ART3: variants seen among roughly 807,000 people sequenced by gnomAD.
The protein encoded by ART3 is ecto-ADP-ribosyltransferase 3.
Under a neutral mutation model 48.5 loss-of-function variants are expected in ART3, and 49 were observed. The observed-to-expected ratio is 1.01, with a 90% CI of 0.80 to 1.28. The LOEUF (loss-of-function observed/expected upper bound fraction) is 1.28, where lower values mean the gene tolerates loss of function less well. Ranked by LOEUF, ART3 falls within the 50% of genes most tolerant of loss-of-function variation. ART3 has a pLI of 0.00. For synonymous variants in ART3, 145 were observed against 157.2 expected, an observed-to-expected ratio of 0.92 and a Z score of 0.58; for missense variants, 438 against 454.3, an observed-to-expected ratio of 0.96 and a Z score of 0.33.
intron 1 of ART3, chr4:76,022,517 A>G (rs1034650628): frequency 6.5e-6 from 10 of 1,537,130 alleles, no homozygotes; most frequent in Middle Eastern, 1.7e-4. Context: ...AACAGATGGC[A>G]TACGCAGTTC....
At chr4:76,074,989 ATTTTAGTAT>A (rs530062729) in intron 1 of ART3, among the ~76,000 whole-genome samples, 170 bp downstream of exon 1, 1 of 152,330 alleles carries the variant, frequency 6.6e-6, no homozygotes, top group East Asian at 1.9e-4. Flanking sequence ...TTGGTACTAT[ATTTTAGTAT>A]TTTTAGTAAA....
At chr4:76,070,980 C>T (rs79740480), upstream of ART3, among the ~76,000 whole-genome samples, 5,577 of 151,808 alleles carry the variant, frequency 0.037, 140 homozygotes, top group Middle Eastern at 0.12. Flanking sequence ...ATCATTCTAC[C>T]CTCTCTTTGC....
intron 1 of ART3, among the ~76,000 whole-genome samples, chr4:76,046,743 AG>A (rs1735541271): frequency 6.6e-6 from 1 of 151,946 alleles, no homozygotes; most frequent in African/African-American, 2.4e-5. Flanking sequence ...CTCCTTAATA[AG>A]GGTGTGGGAC....
At chr4:76,015,970 G>A (rs1347389525) in intron 1 of ART3, among the ~76,000 whole-genome samples, 1 of 152,078 alleles carries the variant, frequency 6.6e-6, no homozygotes, top group Non-Finnish European at 1.5e-5. Context: ...ATTTTATTGA[G>A]GATTTTTGCA....
At chr4:76,089,354 T>C (rs1724309629) in intron 3 of ART3, among the ~76,000 whole-genome samples, 1 of 151,998 alleles carries the variant, frequency 6.6e-6, no homozygotes, top group Non-Finnish European at 1.5e-5. Context: ...TGGAAGGAGG[T>C]GATTGGATCA....
intron 1 of ART3, among the ~76,000 whole-genome samples, chr4:76,042,391 T>C (rs985255452): frequency 3.3e-5 from 5 of 152,202 alleles, no homozygotes; most frequent in East Asian, 3.8e-4. Context: ...TATAAATAAG[T>C]ATGACTTAAA....
At position 76,085,070 on chromosome 4, in the gene ART3, G is replaced by C. The variant is rs115154595; in HGVS notation, c.781+2535G>C. Among the ~76,000 whole-genome samples the C allele has an allele frequency of 1.9e-3, 285 of 152,316 alleles. 1 individual carries two copies. The highest frequency in any genetic ancestry group is 6.5e-3 in the African/African-American group (270 of 41,578). On this transcript the variant is annotated intron_variant, in intron 3 of 11. Coordinates refer to ENST00000355810, the MANE Select transcript of ART3 (RefSeq NM_001130016.3). ...AAGAACAGCCCTGGACTCCTGTGAA[G>C]ACTTGCATTAAAGGAACACATCTGA...
In ART3 at chr4:76,042,491, T is replaced by C. The variant is rs185623070; in HGVS notation, c.-10+31171T>C. Among the ~76,000 whole-genome samples, 7 of 152,286 alleles carry C rather than the reference T, an allele frequency of 4.6e-5. No homozygotes were observed. In the East Asian group the frequency reaches 5.8e-4, roughly 13 times the overall value. ...TAATAGACACCTGAAATAATATAGATAGACTGAACAGATTAATGTAGAATC... is the reference window on the plus strand; with the variant it reads ...TAATAGACACCTGAAATAATATAGACAGACTGAACAGATTAATGTAGAATC... On this transcript the variant is annotated intron_variant, in intron 1 of 9. Transcript: ENST00000341029.
chr4:76,011,667 T>G (rs903627886), intron 1 of ART3, among the ~76,000 whole-genome samples: 4 of 152,200 alleles, frequency 2.6e-5, no homozygotes, highest in African/African-American at 9.7e-5. Flanking sequence ...TTTTCTGAGA[T>G]AGCAAGCGGA....
chr4:76,026,408 G>A (rs1733389557), intron 1 of ART3, among the ~76,000 whole-genome samples: 1 of 152,114 alleles, frequency 6.6e-6, no homozygotes, highest in Non-Finnish European at 1.5e-5. Context: ...ATAGAAGGAT[G>A]GTTGAATGAA....
At chr4:76,035,918 A>G (rs1333676662) in intron 1 of ART3, 1 of 1,610,790 alleles carries the variant, frequency 6.2e-7, no homozygotes, top group Non-Finnish European at 8.5e-7. Flanking sequence ...AATAAAAATT[A>G]CTGCATACCT....
At chr4:76,036,196 C>A (rs1578260953) in intron 1 of ART3, 2 of 532,770 alleles carry the variant, frequency 3.8e-6, no homozygotes, top group East Asian at 6.2e-5. Flanking sequence ...GTTTTGTTCT[C>A]TTCTAAATGT....
At chr4:76,105,959 A>G (rs890741701) in intron 10 of ART3, 7 of 983,952 alleles carry the variant, frequency 7.1e-6, no homozygotes, top group East Asian at 1.1e-4. Context: ...ACACTCTACA[A>G]TCGTCCAGTA....
At chr4:76,051,078 C>T (rs1261992477) in intron 1 of ART3, among the ~76,000 whole-genome samples, 1 of 152,268 alleles carries the variant, frequency 6.6e-6, no homozygotes, top group Non-Finnish European at 1.5e-5. Context: ...CGGCTCCGGC[C>T]TTGGCCAGCC....
intron 1 of ART3, among the ~76,000 whole-genome samples, chr4:76,052,157 G>C (rs1359770312): frequency 2.0e-5 from 3 of 152,126 alleles, no homozygotes; most frequent in African/African-American, 7.2e-5. Context: ...GAGGTGGGCA[G>C]ATCACCTGAA....
At chr4:76,105,745 G>A (rs1366702530) in intron 10 of ART3, 29 of 985,272 alleles carry the variant, frequency 2.9e-5, no homozygotes, top group Non-Finnish European at 3.5e-5. Flanking sequence ...CTGCTATTAC[G>A]GTTCTCTGGG....
intron 1 of ART3, chr4:76,021,948 C>T (rs763762527): frequency 6.2e-7 from 1 of 1,611,004 alleles, no homozygotes; most frequent in South Asian, 1.1e-5. Context: ...ATCTTTTAGA[C>T]CTGTAAGAAG....
intron 3 of ART3, among the ~76,000 whole-genome samples, chr4:76,091,021 T>C (rs1483951150): frequency 6.6e-6 from 1 of 152,250 alleles, no homozygotes; most frequent in Admixed American, 6.5e-5. Flanking sequence ...ATTCTCTTTT[T>C]TGCCTGGCTT....
intron 10 of ART3, chr4:76,107,297 G>A (rs11097236): frequency 0.39 from 59,637 of 152,062 alleles, 15,852 homozygotes; most frequent in African/African-American, 0.75. Flanking sequence ...TCTAGCACCA[G>A]TTACCCCCGT....
Sources: gnomAD v4.1 joint callset for allele counts (sites outside exome capture counted in the v4.1 genomes callset) on GRCh38, gnomAD v4.1.1 for gene constraint, MANE v1.5 for transcripts, NCBI Gene and HGNC (gene_info 2026-07-23, HGNC 2026-07-21) for gene names.